Variants in CSMD1 observed in about 807,000 individuals in gnomAD.
CSMD1 encodes the protein CUB and sushi domain-containing protein 1.
In CSMD1, 213 loss-of-function variants were observed where a neutral mutation model predicts 417.5. The ratio of observed to expected loss-of-function variants is 0.51; its 90% CI spans 0.46 to 0.57. The LOEUF is 0.57. Among genes scored for constraint, CSMD1 ranks in the 20% least tolerant of loss-of-function variants. CSMD1 has a pLI of 0.00. For missense variants in CSMD1, 6,923 were observed against 4,529.7 expected, an observed-to-expected ratio of 1.53 and a Z score of -15.17; for synonymous variants, 2,862 against 1,736.8, an observed-to-expected ratio of 1.65 and a Z score of -16.11.
At chr8:3,702,769 T>C (rs577325066) in intron 7 of CSMD1, among the ~76,000 whole-genome samples, 69 of 152,288 alleles carry the variant, frequency 4.5e-4, no homozygotes, top group African/African-American at 1.6e-3. Context: ...GAGGTGCAGG[T>C]TGCAGTTAGC....
At chr8:3,771,639 C>T (rs971185596) in intron 5 of CSMD1, among the ~76,000 whole-genome samples, 6 of 152,088 alleles carry the variant, frequency 3.9e-5, no homozygotes, top group Admixed American at 1.3e-4. Flanking sequence ...GAAGCCAGTG[C>T]TGAATCACCC....
At chr8:3,315,614 A>T (rs925596273) in intron 23 of CSMD1, among the ~76,000 whole-genome samples, 2 of 148,952 alleles carry the variant, frequency 1.3e-5, no homozygotes, top group Non-Finnish European at 3.0e-5. Context: ...TTGTAATCCT[A>T]TGAGCAGCCC....
chr8:4,194,407 C>G (rs1222575252), intron 3 of CSMD1, among the ~76,000 whole-genome samples: 2 of 152,100 alleles, frequency 1.3e-5, no homozygotes, highest in African/African-American at 4.8e-5. Flanking sequence ...AATGGACACT[C>G]CAAATAGCTT....
chr8:3,241,591 TG>T (rs949706753), intron 26 of CSMD1, among the ~76,000 whole-genome samples: 1 of 152,054 alleles, frequency 6.6e-6, no homozygotes, highest in African/African-American at 2.4e-5. Flanking sequence ...TGATTTTCAG[TG>T]GGGTCCTGCA....
chr8:3,206,488 G>A (rs1797283161), intron 30 of CSMD1, among the ~76,000 whole-genome samples: 1 of 126,610 alleles, frequency 7.9e-6, no homozygotes, highest in African/African-American at 3.0e-5. Flanking sequence ...GCGTGTATGT[G>A]TGTGTGGGTG....
At chr8:3,983,847 C>T (rs942619886) in intron 5 of CSMD1, among the ~76,000 whole-genome samples, 24 of 150,994 alleles carry the variant, frequency 1.6e-4, no homozygotes, top group African/African-American at 5.1e-4. Context: ...GGCCGGCTGT[C>T]AATTGCAACT....
At chr8:4,800,722 G>C (rs1404014948) in intron 1 of CSMD1, among the ~76,000 whole-genome samples, 1 of 152,176 alleles carries the variant, frequency 6.6e-6, no homozygotes, top group Non-Finnish European at 1.5e-5. Context: ...TTCCAGAGCT[G>C]CATTGCTTAA....
intron 1 of CSMD1, among the ~76,000 whole-genome samples, chr8:4,901,887 G>C (rs1336689617): frequency 2.0e-5 from 3 of 151,960 alleles, no homozygotes; most frequent in Non-Finnish European, 2.9e-5. Context: ...CCAGCCAAAA[G>C]GACACTTCCA....
intron 3 of CSMD1, among the ~76,000 whole-genome samples, chr8:4,148,572 C>A (rs956089113): frequency 1.3e-5 from 2 of 151,930 alleles, no homozygotes; most frequent in Admixed American, 1.3e-4. Context: ...GACATTCAAG[C>A]TCTAGGAGAC....
intron 3 of CSMD1, among the ~76,000 whole-genome samples, chr8:4,279,451 T>A (rs1454355029): frequency 6.6e-6 from 1 of 152,158 alleles, no homozygotes; most frequent in Non-Finnish European, 1.5e-5. Context: ...AGATTCCAAG[T>A]CCCAGTAGCC....
chr8:3,422,017 C>T (rs913804684), intron 12 of CSMD1, among the ~76,000 whole-genome samples: 3 of 151,958 alleles, frequency 2.0e-5, no homozygotes, highest in Non-Finnish European at 4.4e-5. Flanking sequence ...CCCGGCCCCA[C>T]AGATGTCTTA....
chr8:3,296,697 A>C (rs1803995269), intron 25 of CSMD1, among the ~76,000 whole-genome samples: 2 of 152,284 alleles, frequency 1.3e-5, no homozygotes, highest in South Asian at 4.1e-4. Context: ...AAGGGAGAGA[A>C]AACAGGCTTG....
At chr8:3,347,496 T>A (rs1034266459) in intron 22 of CSMD1, among the ~76,000 whole-genome samples, 4 of 152,210 alleles carry the variant, frequency 2.6e-5, no homozygotes, top group Non-Finnish European at 5.9e-5. Context: ...TGGATTTACC[T>A]CCATTATCAC....
At chr8:4,921,136 G>T (rs1202295690) in intron 1 of CSMD1, among the ~76,000 whole-genome samples, 1 of 151,652 alleles carries the variant, frequency 6.6e-6, no homozygotes, top group Non-Finnish European at 1.5e-5. Flanking sequence ...GAAAGTAAAA[G>T]AAAGAAAGAA....
At chr8:4,137,151 T>C (rs147123521) in intron 3 of CSMD1, among the ~76,000 whole-genome samples, 1 of 152,288 alleles carries the variant, frequency 6.6e-6, no homozygotes, top group African/African-American at 2.4e-5. Flanking sequence ...ACAGATGCTG[T>C]AAATAGGTTA....
At chr8:4,293,645 A>G (rs563297952) in intron 3 of CSMD1, among the ~76,000 whole-genome samples, 18 of 152,334 alleles carry the variant, frequency 1.2e-4, no homozygotes, top group African/African-American at 4.3e-4. Context: ...AAGACACAGC[A>G]GTCTCTTATA....
intron 49 of CSMD1, among the ~76,000 whole-genome samples, chr8:3,059,437 G>A (rs917210966): frequency 1.3e-5 from 2 of 152,062 alleles, no homozygotes; most frequent in Non-Finnish European, 2.9e-5. Flanking sequence ...AACAGTTTTC[G>A]AGAAATGATT....
intron 5 of CSMD1, among the ~76,000 whole-genome samples, chr8:3,831,872 T>C (rs1369409577): frequency 6.6e-6 from 1 of 152,204 alleles, no homozygotes; most frequent in Non-Finnish European, 1.5e-5. Context: ...ATCTTTGTGA[T>C]TCAGGTCATA....
At chr8:3,295,680 C>G (rs1412617222) in intron 25 of CSMD1, among the ~76,000 whole-genome samples, 1 of 152,078 alleles carries the variant, frequency 6.6e-6, no homozygotes, top group African/African-American at 2.4e-5. Flanking sequence ...CTGCTTTGGT[C>G]CAGGGTAATG....
Sources: allele counts gnomAD v4.1 joint callset (sites outside exome capture counted in the v4.1 genomes callset), GRCh38; gene constraint gnomAD v4.1.1; transcripts MANE v1.5; gene names NCBI Gene and HGNC (gene_info 2026-07-23, HGNC 2026-07-21).